Variants in PTCHD4 observed in about 807,000 individuals in gnomAD.
The protein encoded by PTCHD4 is patched domain-containing protein 4.
PTCHD4 carries 33 observed loss-of-function variants against 58.1 expected under a neutral mutation model. The ratio of observed to expected loss-of-function variants is 0.57; its 90% CI spans 0.43 to 0.76. The LOEUF (loss-of-function observed/expected upper bound fraction) is 0.76, where lower values mean the gene tolerates loss of function less well. Ranked by LOEUF, PTCHD4 falls within the 30% of genes least tolerant of loss-of-function variation. PTCHD4 has a pLI of 0.00. For synonymous variants in PTCHD4, 478 were observed against 409.6 expected (o/e 1.17, Z -2.02); for missense variants, 1,058 against 1,027.1 (o/e 1.03, Z -0.41).
chr6:47,959,600 G>A (rs887229942), intron 4 of PTCHD4, among the ~76,000 whole-genome samples: 1 of 152,126 alleles, frequency 6.6e-6, no homozygotes, highest in African/African-American at 2.4e-5. Context: ...GAAAACTACA[G>A]TGAGGTACAT....
chr6:47,885,480 A>G (rs568861669), intron 4 of PTCHD4, among the ~76,000 whole-genome samples: 1 of 152,330 alleles, frequency 6.6e-6, no homozygotes, highest in African/African-American at 2.4e-5. Context: ...AAGGTTCTTC[A>G]TGGTCATGGT....
intron 4 of PTCHD4, among the ~76,000 whole-genome samples, chr6:47,893,023 T>A (rs1464740377): frequency 6.6e-6 from 1 of 152,190 alleles, no homozygotes; most frequent in Non-Finnish European, 1.5e-5. Flanking sequence ...ATCTTTTTAT[T>A]TTTTTTGAGA....
At chr6:47,986,397 G>A (rs544176373) in intron 4 of PTCHD4, among the ~76,000 whole-genome samples, 1 of 152,058 alleles carries the variant, frequency 6.6e-6, no homozygotes, top group Non-Finnish European at 1.5e-5. Context: ...TAGTTACTCT[G>A]GCTCCTTAAC....
At chr6:48,064,416 C>T (rs190583805) in intron 3 of PTCHD4, among the ~76,000 whole-genome samples, 3 of 152,194 alleles carry the variant, frequency 2.0e-5, no homozygotes, top group East Asian at 3.9e-4. Flanking sequence ...CCAGAAAAGT[C>T]GTTGCTTAAA....
In PTCHD4 at chr6:48,008,638, G is replaced by A; in HGVS notation, c.894C>T (p.Ala298=). The A allele has an allele frequency of 6.2e-7, 1 of 1,612,566 alleles. No homozygotes were observed. The highest frequency in any genetic ancestry group is 8.5e-7 in the Non-Finnish European group (1 of 1,179,204). Reference sequence around the variant, plus strand: ...ACCACAAGGATGGATAGTTACCCATGGCGAAGAACGGGATTCCCAGCAGGG... The same window carrying A: ...ACCACAAGGATGGATAGTTACCCATAGCGAAGAACGGGATTCCCAGCAGGG... ...NSTLLGIPFF[A]MGHGTKGVFE... Residue 298 remains alanine (A), a synonymous_variant, in exon 4 of 5, where the codon GCC becomes GCT. Coordinates refer to ENST00000339488, the MANE Select transcript of PTCHD4 (RefSeq NM_001384253.1).
At chr6:47,958,783 A>G (rs1766967765) in intron 4 of PTCHD4, among the ~76,000 whole-genome samples, 1 of 152,214 alleles carries the variant, frequency 6.6e-6, no homozygotes, top group Admixed American at 6.5e-5. Flanking sequence ...GTGTTCAAAC[A>G]GGGCATGGAA....
At chr6:47,973,851 A>G (rs1303057051) in intron 4 of PTCHD4, among the ~76,000 whole-genome samples, 1 of 152,320 alleles carries the variant, frequency 6.6e-6, no homozygotes, top group Admixed American at 6.5e-5. Context: ...ACTGCTTGAA[A>G]TCCTACCATT....
At chr6:48,092,602 T>TTAATA (rs1765388784) in intron 1 of PTCHD4, among the ~76,000 whole-genome samples, 2 of 152,176 alleles carry the variant, frequency 1.3e-5, no homozygotes, top group Non-Finnish European at 2.9e-5. Context: ...TTATAAATGG[T>TTAATA]CTTGACATCT....
At chr6:48,016,977 T>G (rs1355514070) in intron 3 of PTCHD4, among the ~76,000 whole-genome samples, 1 of 152,178 alleles carries the variant, frequency 6.6e-6, no homozygotes, top group East Asian at 1.9e-4. Context: ...CAATTCAGAT[T>G]TCATTGATTT....
At chr6:47,895,155 C>A (rs1285424357) in intron 4 of PTCHD4, among the ~76,000 whole-genome samples, 3 of 150,698 alleles carry the variant, frequency 2.0e-5, no homozygotes, top group Non-Finnish European at 4.4e-5. Flanking sequence ...AAAAAAGAAA[C>A]AATAATAAAA....
intron 4 of PTCHD4, among the ~76,000 whole-genome samples, chr6:47,897,674 C>G (rs899913583): frequency 6.6e-6 from 1 of 152,222 alleles, no homozygotes; most frequent in East Asian, 1.9e-4. Flanking sequence ...CCAGCTTTAC[C>G]AAGGACTTTG....
chr6:48,084,420 G>A (rs529450576), intron 1 of PTCHD4, among the ~76,000 whole-genome samples: 2 of 152,286 alleles, frequency 1.3e-5, no homozygotes, highest in African/African-American at 4.8e-5. Context: ...AAATGCTGCT[G>A]TAACTGTATT....
chr6:47,978,738 GT>G (rs1463976308), intron 4 of PTCHD4, among the ~76,000 whole-genome samples: 1 of 152,114 alleles, frequency 6.6e-6, no homozygotes, highest in Non-Finnish European at 1.5e-5. Context: ...TAAGTAACTT[GT>G]CTACCAACAG....
chr6:47,975,275 T>C (rs912116873), intron 4 of PTCHD4, among the ~76,000 whole-genome samples: 1 of 152,242 alleles, frequency 6.6e-6, no homozygotes, highest in Admixed American at 6.5e-5. Context: ...TGAAAAATGC[T>C]TCCTGTCATG....
At position 48,069,154 on chromosome 6, in the gene PTCHD4, GA is replaced by G; in HGVS notation, c.-198del. On this transcript the variant is annotated 5_prime_UTR_variant, in exon 2 of 5. The change abolishes the stop of an existing upstream ORF in the 5' untranslated region. Coordinates refer to ENST00000339488, the MANE Select transcript of PTCHD4 (RefSeq NM_001384253.1). ...GTGCCCCATAAAGGGGGGGGGGGCTGAGGGGGGGAGAGGAGGGAGAAGGGCG... is the reference window on the plus strand; with the variant it reads ...GTGCCCCATAAAGGGGGGGGGGGCTGGGGGGGGAGAGGAGGGAGAAGGGCG... 1.1e-5 allele frequency among the ~76,000 whole-genome samples: 1 copy of G among 95,024 alleles called. No individual in the cohort carries two copies. The highest frequency in any genetic ancestry group is 3.9e-5 in the African/African-American group (1 of 25,882). 62.3% of individuals were successfully genotyped at this position (95,024 alleles called of 152,430 possible).
chr6:48,015,205 C>T (rs1762827076), intron 3 of PTCHD4, among the ~76,000 whole-genome samples: 1 of 152,018 alleles, frequency 6.6e-6, no homozygotes, highest in Non-Finnish European at 1.5e-5. Flanking sequence ...ACTGAACTGA[C>T]ATCATTAAGA....
rs199856156 is a variant in PTCHD4 at position 47,909,369 on chromosome 6, GT to G, written c.899-29434del. Reference sequence around the variant, plus strand: ...TAACCTAAAATGGGGAAATTGAAAGGTTTTGCTCACATGATATTATCATAAA... The same window carrying G: ...TAACCTAAAATGGGGAAATTGAAAGGTTTGCTCACATGATATTATCATAAA... On this transcript the variant is annotated intron_variant, in intron 4 of 4. Transcript: ENST00000339488. Among the ~76,000 whole-genome samples, 690 of 152,084 alleles carry G rather than the reference GT, an allele frequency of 4.5e-3. 7 individuals carry two copies. Among genetic ancestry groups the G allele is most frequent in the African/African-American group, 0.016 (648 of 41,480 alleles).
At chr6:47,950,679 G>C (rs1489196837) in intron 4 of PTCHD4, among the ~76,000 whole-genome samples, 1 of 152,160 alleles carries the variant, frequency 6.6e-6, no homozygotes, top group African/African-American at 2.4e-5. Flanking sequence ...ATATCTAGAT[G>C]AATGGAAGCA....
At chr6:47,921,892 CTTGAGACCAGGAAT>C (rs1765442101) in intron 4 of PTCHD4, among the ~76,000 whole-genome samples, 2 of 149,972 alleles carry the variant, frequency 1.3e-5, no homozygotes, top group African/African-American at 4.9e-5. Flanking sequence ...AGGAGGAACA[CTTGAGACCAGGAAT>C]TTGAGACCAG....
Sources: gnomAD v4.1 joint callset for allele counts (sites outside exome capture counted in the v4.1 genomes callset) on GRCh38, gnomAD v4.1.1 for gene constraint, MANE v1.5 for transcripts, NCBI Gene and HGNC (gene_info 2026-07-23, HGNC 2026-07-21) for gene names.